AP1G2: variants seen among roughly 807,000 people sequenced by gnomAD.
The protein encoded by AP1G2 is adaptor related protein complex 1 subunit gamma 2.
In AP1G2, 85 loss-of-function variants were observed where a neutral mutation model predicts 95.8. The observed-to-expected ratio is 0.89, with a 90% confidence interval of 0.74 to 1.06. The LOEUF (loss-of-function observed/expected upper bound fraction) is 1.06. Ranked by LOEUF, AP1G2 falls within the 50% of genes least tolerant of loss-of-function variation. The probability of loss-of-function intolerance (pLI) is 0.00; values close to 1 mark genes in which losing one functional copy is unlikely to be tolerated. For missense variants in AP1G2, 967 were observed against 1,005.8 expected, an observed-to-expected ratio of 0.96 and a Z score of 0.52; for synonymous variants, 378 against 400.0, an observed-to-expected ratio of 0.94 and a Z score of 0.66.
intron 10 of AP1G2, 56 bp downstream of exon 10, chr14:23,564,277 G>C: frequency 6.2e-7 from 1 of 1,613,952 alleles, no homozygotes; most frequent in Non-Finnish European, 8.5e-7. Context: ...GGAGGAAGGA[G>C]GGCAGAGGGC....
intron 9 of AP1G2, 75 bp from the exon 10 acceptor site, chr14:23,564,463 C>T (rs537659094): frequency 5.6e-6 from 9 of 1,603,270 alleles, no homozygotes; most frequent in African/African-American, 2.7e-5. Flanking sequence ...AACACATTGG[C>T]GCAAGATGAT....
chr14:23,565,225 T>C lies in AP1G2; in HGVS notation c.742-26A>G, dbSNP rs765625655. The stretch of plus-strand genomic sequence containing the variant: ...CTGAGGTTGGGTTGAAAATGGAAAG[T>C]TGGAGGGGTTCATAGGATAAGGAGT... On this transcript the variant is annotated intron_variant, in intron 7 of 21. Transcript: ENST00000397120. The C allele has an allele frequency of 4.3e-6, 7 of 1,610,204 alleles. No individual in the cohort carries two copies. In the East Asian group the frequency reaches 1.1e-4, roughly 26 times the overall value.
rs528068515 is a variant in AP1G2, at chr14:23,564,443, G to A, written c.922-55C>T. 3.1e-6 allele frequency: 5 copies of A among 1,608,546 alleles called. No homozygotes were observed. In the South Asian group the frequency reaches 4.4e-5, roughly 14 times the overall value. On this transcript the variant is annotated intron_variant, in intron 9 of 21. Transcript: ENST00000397120. ...GAAAGGAGCAACCTGCTCAGCCATT[G>A]AGGACTGGGAACACATTGGCGCAAG... is the stretch of plus-strand genomic sequence containing the variant.
In AP1G2 at chr14:23,561,308, G is replaced by A. The variant is rs374370524; in HGVS notation, c.1981C>T (p.Pro661Ser). The A allele has an allele frequency of 2.3e-5, 36 of 1,538,970 alleles. No homozygotes were observed. Among genetic ancestry groups the A allele is most frequent in the African/African-American group, 4.1e-5 (3 of 72,404 alleles). ...TGCTTAGGCTTACCTGGGGGTGGAG[G>A]TACACAGGGAAGGTCAAGCAGGTGT... The part of the protein sequence containing the change: ...LVHLLDLPCV[P>S]PPPAPIPDLK... The change falls in exon 19 of 22, where the codon CCT (proline) becomes TCT (serine). Residue 661 changes from proline to serine, a missense_variant. By Grantham distance (74) the Pro-to-Ser change is moderately conservative. Transcript: ENST00000397120.
rs764695386 is a variant in AP1G2, at chr14:23,563,362, G to C, written c.1410+18C>G. The C allele has an allele frequency of 2.5e-6, 4 of 1,573,284 alleles. No individual in the cohort carries two copies. In the South Asian group the frequency reaches 4.6e-5, roughly 18 times the overall value. On this transcript the variant is annotated intron_variant, in intron 14 of 21. Coordinates refer to ENST00000397120, the MANE Select transcript of AP1G2 (RefSeq NM_003917.5). ...GAGTGGTTGGGCAGCCCTGGGCCTA[G>C]GTAGGTGGGAATGGTACCTGGGAAA...
At chr14:23,560,138 G>A (rs555037381) in intron 20 of AP1G2, 102 bp from the exon 21 acceptor site, 290 of 1,452,566 alleles carry the variant, frequency 2.0e-4, no homozygotes, top group Non-Finnish European at 2.7e-4. Context: ...AACTCCCCAA[G>A]TGCTGATCTC....
chr14:23,564,963 AAGAC>A, intron 8 of AP1G2, 152 bp downstream of exon 8: 2 of 763,304 alleles, frequency 2.6e-6, no homozygotes, highest in Non-Finnish European at 4.3e-6. Context: ...CAATAGCACT[AAGAC>A]AGACTGTGTC....
rs367610818 is a variant in AP1G2, at chr14:23,561,972, C to T, written c.1723G>A (p.Asp575Asn). The change falls in exon 17 of 22, where the codon GAC (aspartate) becomes AAC (asparagine). Residue 575 changes from aspartate (D) to asparagine (N), a missense_variant. Asp to Asn is a conservative substitution (Grantham distance 23, BLOSUM62 1). Coordinates refer to ENST00000397120, the MANE Select transcript of AP1G2 (RefSeq NM_003917.5). The stretch of plus-strand genomic sequence containing the variant: ...CAGTGCTGGACACACCTCATGTGGT[C>T]GTATTTCCGGAAGAGTGTGTCATAC... Reference protein sequence around the residue: ...VEYDTLFRKYDHMRAAILEKM... With the variant: ...VEYDTLFRKYNHMRAAILEKM... 33 of 1,610,188 alleles carry T rather than the reference C, an allele frequency of 2.0e-5. No homozygotes were observed. Among genetic ancestry groups the T allele is most frequent in the Middle Eastern group, 1.7e-4 (1 of 5,968 alleles).
At position 23,565,217 on chromosome 14, in the gene AP1G2, A is replaced by G. The variant is rs777246977; in HGVS notation, c.742-18T>C. Reference sequence around the variant, plus strand: ...ATCTGGACCTGAGGTTGGGTTGAAAATGGAAAGTTGGAGGGGTTCATAGGA... The same window carrying G: ...ATCTGGACCTGAGGTTGGGTTGAAAGTGGAAAGTTGGAGGGGTTCATAGGA... On this transcript the variant is annotated intron_variant, in intron 7 of 21. Coordinates refer to ENST00000397120, the MANE Select transcript of AP1G2 (RefSeq NM_003917.5). The G allele has an allele frequency of 1.9e-5, 30 of 1,613,042 alleles. No individual in the cohort carries two copies.
intron 9 of AP1G2, 44 bp from the exon 10 acceptor site, chr14:23,564,432 G>T (rs778163546): frequency 6.2e-7 from 1 of 1,611,226 alleles, no homozygotes; most frequent in Admixed American, 1.7e-5. Context: ...GGAGCAACCT[G>T]CTCAGCCATT....
chr14:23,565,444 C>T (rs1887385237), intron 7 of AP1G2, 162 bp downstream of exon 7: 2 of 737,752 alleles, frequency 2.7e-6, no homozygotes, highest in African/African-American at 3.5e-5. Context: ...GGCATTCCCT[C>T]TCCCCTCACA....
At chr14:23,564,202 C>A (rs572891601) in intron 10 of AP1G2, 43 bp from the exon 11 acceptor site, 2 of 1,611,276 alleles carry the variant, frequency 1.2e-6, no homozygotes, top group South Asian at 2.2e-5. Flanking sequence ...TGGCCATCAG[C>A]CCCCACTCCC....
chr14:23,564,017 G>C, intron 11 of AP1G2, 29 bp downstream of exon 11: 1 of 1,613,038 alleles, frequency 6.2e-7, no homozygotes, highest in Non-Finnish European at 8.5e-7. Context: ...CCTCTGCCCT[G>C]CCCTCCTGTC....
chr14:23,565,960 G>T, intron 5 of AP1G2, 68 bp from the exon 6 acceptor site: 1 of 1,608,254 alleles, frequency 6.2e-7, no homozygotes. Context: ...GTGTGTGCCT[G>T]TGTGTGTGCA....
rs1266210512 is a variant in AP1G2 at position 23,559,822 on chromosome 14, G to A, written c.2285C>T (p.Thr762Ile). ...KAPLRLKLRL[T>I]YDHFHQSVQE... ...CACCGACTGGTGAAAGTGGTCGTAG[G>A]TGAGGCGCAGCTTTAGCCGCAGGGG... Residue 762 changes from threonine (T) to isoleucine (I), a missense_variant, in exon 22 of 22, where the codon ACC (threonine) becomes ATC (isoleucine). Physicochemically the swap from Thr to Ile is moderately conservative, Grantham distance 89 (BLOSUM62 -1). Coordinates refer to ENST00000397120, the MANE Select transcript of AP1G2 (RefSeq NM_003917.5). The A allele has an allele frequency of 5.0e-6, 8 of 1,614,030 alleles. No individual in the cohort carries two copies. Among genetic ancestry groups the A allele is most frequent in the Non-Finnish European group, 6.8e-6 (8 of 1,180,034 alleles).
rs1195981264 is a variant in AP1G2 at position 23,567,005 on chromosome 14, G to A, written c.204+106C>T. 5 of 1,258,278 alleles carry A rather than the reference G, an allele frequency of 4.0e-6. No homozygotes were observed. Among genetic ancestry groups the A allele is most frequent in the Non-Finnish European group, 5.4e-6 (5 of 922,048 alleles). The allele number at this position is 1,258,278 out of a possible 1,614,324, so 77.9% of individuals were successfully genotyped here. A position where few individuals can be genotyped will look rare whatever the true frequency, so the allele number is the denominator to read the frequency against. The stretch of plus-strand genomic sequence containing the variant: ...TTGCAGTGCAGGCTGTGAAGACTCT[G>A]AAATTGTAGAATTTAAAAAACCAGG... On this transcript the variant is annotated intron_variant, in intron 2 of 21. Coordinates refer to ENST00000397120, the MANE Select transcript of AP1G2 (RefSeq NM_003917.5). The surrounding 1 kb of genome is among the most constrained non-coding windows in gnomAD (Gnocchi z 5.3).
Position 23,564,163 on chromosome 14 carries a change from G to T in AP1G2, c.978-4C>A. On this transcript the variant is annotated splice_region_variant and splice_polypyrimidine_tract_variant and intron_variant, in intron 10 of 21. Coordinates refer to ENST00000397120, the MANE Select transcript of AP1G2 (RefSeq NM_003917.5). The stretch of plus-strand genomic sequence containing the variant: ...CAGTGATGTCAGGGCTACATACCTG[G>T]TCAGGATGGGGGAGGTTCTATCATA... 6.2e-7 allele frequency: 1 copy of T among 1,613,744 alleles called. No individual in the cohort carries two copies. The highest frequency in any genetic ancestry group is 2.2e-5 in the East Asian group (1 of 44,872).
At chr14:23,560,583 AGAGAAACAATAAAAAAAGGCCGGGCGT>A in intron 19 of AP1G2, 165 bp from the exon 20 acceptor site, 1 of 667,444 alleles carries the variant, frequency 1.5e-6, no homozygotes, top group Non-Finnish European at 2.3e-6. Context: ...CTAATGGGGG[AGAGAAACAATAAAAAAAGGCCGGGCGT>A]GAGCCAGTAA....
chr14:23,562,062 T>G lies in AP1G2; in HGVS notation c.1633A>C (p.Ile545Leu). 6.2e-7 allele frequency: 1 copy of G among 1,613,278 alleles called. No homozygotes were observed. The highest frequency in any genetic ancestry group is 8.5e-7 in the Non-Finnish European group (1 of 1,179,734). ...STRLCGDNNR[I>L]RQVVSIYGSC... is the part of the protein sequence containing the mutation. ...CCGTAGATGGACACCACCTGGCGGA[T>G]GCGGCTGGGCCAGTGTAGTATGTAA... The change falls in exon 17 of 22, where the codon ATC (isoleucine) becomes CTC (leucine). Residue 545 changes from isoleucine (I) to leucine (L), a missense_variant. Ile to Leu is a conservative substitution (Grantham distance 5). Coordinates refer to ENST00000397120, the MANE Select transcript of AP1G2 (RefSeq NM_003917.5).
Sources: gnomAD v4.1 joint callset for allele counts on GRCh38, gnomAD v4.1.1 for gene constraint, Gnocchi (gnomAD v3.1) non-coding constraint, MANE v1.5 for transcripts, NCBI Gene and HGNC (gene_info 2026-07-23, HGNC 2026-07-21) for gene names.